IL1RAPL1: variants seen among roughly 807,000 people sequenced by gnomAD.
IL1RAPL1 encodes the protein interleukin-1 receptor accessory protein-like 1.
IL1RAPL1 carries 3 observed loss-of-function variants against 48.4 expected under a neutral mutation model. The ratio of observed to expected loss-of-function variants is 0.06; its 90% CI spans 0.03 to 0.16. The LOEUF (loss-of-function observed/expected upper bound fraction) is 0.16. Ranked by LOEUF, IL1RAPL1 falls within the 10% of genes least tolerant of loss-of-function variation. The pLI is 1.00. For missense variants in IL1RAPL1, 349 were observed against 530.6 expected, an observed-to-expected ratio of 0.66 and a Z score of 3.36; for synonymous variants, 185 against 187.7, an observed-to-expected ratio of 0.99 and a Z score of 0.12.
At chrX:28,767,314 A>G (rs1936252466) in intron 1 of IL1RAPL1, among the ~76,000 whole-genome samples, 1 of 111,088 alleles carries the variant, frequency 9.0e-6, no homozygotes, top group South Asian at 3.8e-4. Flanking sequence ...TGTCATTGAC[A>G]TTGGCTGTCT....
At chrX:29,913,657 T>C (rs1932777178) in intron 6 of IL1RAPL1, among the ~76,000 whole-genome samples, 1 of 111,158 alleles carries the variant, frequency 9.0e-6, no homozygotes, top group Non-Finnish European at 1.9e-5. Flanking sequence ...TCCCAGAGTA[T>C]TGTAACATTC....
chrX:28,770,728 T>C (rs1465262291), intron 1 of IL1RAPL1, among the ~76,000 whole-genome samples: 3 of 112,272 alleles, frequency 2.7e-5, no homozygotes, highest in Non-Finnish European at 5.6e-5. Context: ...GAATGATGCA[T>C]TTGATTGGTA....
At chrX:29,801,076 A>AAAAAAAAAAAAAC (rs1569172133) in intron 6 of IL1RAPL1, among the ~76,000 whole-genome samples, 3 of 87,013 alleles carry the variant, frequency 3.4e-5, no homozygotes, top group African/African-American at 1.7e-4. Flanking sequence ...AAAAAAAAAA[A>AAAAAAAAAAAAAC]AAAACTCATC....
intron 2 of IL1RAPL1, among the ~76,000 whole-genome samples, chrX:29,125,637 T>C (rs1253581313): frequency 9.0e-6 from 1 of 111,451 alleles, no homozygotes; most frequent in Non-Finnish European, 1.9e-5. Context: ...TTTTTCACCA[T>C]TTGCTGTTTG....
intron 1 of IL1RAPL1, among the ~76,000 whole-genome samples, chrX:28,608,058 T>C (rs761767464): frequency 9.9e-5 from 11 of 111,623 alleles, no homozygotes; most frequent in Non-Finnish European, 1.5e-4. Context: ...TCTATACAAG[T>C]GTAAGATGCT....
intron 6 of IL1RAPL1, among the ~76,000 whole-genome samples, chrX:29,803,455 GTA>G (rs1163271811): frequency 3.4e-5 from 3 of 87,747 alleles, no homozygotes; most frequent in Admixed American, 1.3e-4. Context: ...ATATATGTGT[GTA>G]TATATGTATA....
chrX:29,025,192 A>G (rs1223793421), intron 2 of IL1RAPL1, among the ~76,000 whole-genome samples: 2 of 112,258 alleles, frequency 1.8e-5, no homozygotes, highest in Admixed American at 1.9e-4. Context: ...ATAATATTTT[A>G]TTTAGTCTTC....
chrX:28,990,417 C>T lies in IL1RAPL1; in HGVS notation c.82+200992C>T, dbSNP rs953834259. Among the ~76,000 whole-genome samples, 5 of 111,721 alleles carry T rather than the reference C, an allele frequency of 4.5e-5. No homozygotes were observed. In the Admixed American group the frequency reaches 4.8e-4, roughly 11 times the overall value. ...CGTTGATCTGGATAGGAGATATCTG[C>T]CTGAAATGTGAATTAATCTGAAATC... is the stretch of plus-strand genomic sequence containing the variant. On this transcript the variant is annotated intron_variant, in intron 2 of 10. Coordinates refer to ENST00000378993, the MANE Select transcript of IL1RAPL1 (RefSeq NM_014271.4).
At chrX:29,354,492 T>G (rs1340548887) in intron 3 of IL1RAPL1, among the ~76,000 whole-genome samples, 1 of 111,912 alleles carries the variant, frequency 8.9e-6, no homozygotes, top group Non-Finnish European at 1.9e-5. Flanking sequence ...TTTTATGATC[T>G]CATGTAATTT....
chrX:29,663,566 A>G (rs1027897060), intron 5 of IL1RAPL1, among the ~76,000 whole-genome samples: 6 of 112,419 alleles, frequency 5.3e-5, no homozygotes, highest in Non-Finnish European at 9.4e-5. Context: ...TATCTAGATT[A>G]TAAGCTCTTT....
chrX:29,400,092 A>G (rs2147689138), intron 5 of IL1RAPL1, among the ~76,000 whole-genome samples: 1 of 111,619 alleles, frequency 9.0e-6, no homozygotes, highest in African/African-American at 3.3e-5. Context: ...AGGTGCAGTC[A>G]TTGAATAATT....
intron 2 of IL1RAPL1, among the ~76,000 whole-genome samples, chrX:28,954,012 T>G (rs775275135): frequency 5.4e-5 from 6 of 111,572 alleles, no homozygotes; most frequent in Non-Finnish European, 1.1e-4. Flanking sequence ...CTTTTAAAAA[T>G]GTACTCACTT....
At chrX:29,562,172 A>ATCTG (rs1922257354) in intron 5 of IL1RAPL1, among the ~76,000 whole-genome samples, 1 of 99,425 alleles carries the variant, frequency 1.0e-5, no homozygotes, top group Admixed American at 1.1e-4. Context: ...CTATCTATCT[A>ATCTG]TCTATCTAGT....
At chrX:29,594,642 A>G (rs889436616) in intron 5 of IL1RAPL1, among the ~76,000 whole-genome samples, 27 of 112,024 alleles carry the variant, frequency 2.4e-4, no homozygotes, top group African/African-American at 8.4e-4. Flanking sequence ...TTTATTAAAA[A>G]CAGCTATATC....
chrX:29,233,905 T>A (rs1338669068), intron 2 of IL1RAPL1, among the ~76,000 whole-genome samples: 3 of 112,293 alleles, frequency 2.7e-5, no homozygotes, highest in Admixed American at 9.4e-5. Flanking sequence ...AGCAGCCATG[T>A]TGTAAGCGGG....
chrX:28,600,728 A>T (rs2146878354), intron 1 of IL1RAPL1, among the ~76,000 whole-genome samples: 1 of 111,866 alleles, frequency 8.9e-6, no homozygotes, highest in Admixed American at 9.5e-5. Context: ...GTGTTTCATT[A>T]GCATTAGCCA....
At chrX:29,908,979 TAAC>T (rs1190044232) in intron 6 of IL1RAPL1, among the ~76,000 whole-genome samples, 3 of 111,753 alleles carry the variant, frequency 2.7e-5, no homozygotes, top group Admixed American at 9.6e-5. Context: ...CTATAAACTT[TAAC>T]AATAATAATA....
chrX:29,953,778 T>TA (rs1368664938), intron 9 of IL1RAPL1, among the ~76,000 whole-genome samples: 11 of 111,388 alleles, frequency 9.9e-5, no homozygotes, highest in African/African-American at 2.9e-4. Flanking sequence ...ACACATAATC[T>TA]AAAAAATCAT....
In IL1RAPL1 at chrX:29,742,585, A is replaced by C. The variant is rs183384005; in HGVS notation, c.778+74081A>C. ...ATACTAAAAACAAACAAATAAACAA[A>C]AAAACCTCTAACTATCCAACCACCT... On this transcript the variant is annotated intron_variant, in intron 6 of 10. Transcript: ENST00000378993. 3.0e-4 allele frequency among the ~76,000 whole-genome samples: 33 copies of C among 111,399 alleles called. 1 individual carries two copies. The East Asian group carries it at 8.1e-3, about 27-fold the overall frequency.
Sources: gnomAD v4.1 joint callset for allele counts (sites outside exome capture counted in the v4.1 genomes callset) on GRCh38, gnomAD v4.1.1 for gene constraint, MANE v1.5 for transcripts, NCBI Gene and HGNC (gene_info 2026-07-23, HGNC 2026-07-21) for gene names.